The following GNG7 variants were observed in gnomAD, a reference collection of about 807,000 sequenced individuals.
GNG7 encodes guanine nucleotide-binding protein G(I)/G(S)/G(O) subunit gamma-7.
In GNG7, 1 loss-of-function variant was observed where a neutral mutation model predicts 4.0. The ratio of observed to expected loss-of-function variants is 0.25; its 90% CI spans 0.09 to 1.18. The LOEUF (loss-of-function observed/expected upper bound fraction) is 1.18, where lower values mean the gene tolerates loss of function less well. Among genes scored for constraint, GNG7 ranks in the 50% most tolerant of loss-of-function variants. The probability of loss-of-function intolerance (pLI) is 0.50; values close to 1 mark genes in which losing one functional copy is unlikely to be tolerated. For synonymous variants in GNG7, 34 were observed against 36.9 expected (o/e 0.92, Z 0.29); for missense variants, 86 against 91.9 (o/e 0.94, Z 0.26).
At chr19:2,659,659 G>A (rs1568277188) in intron 1 of GNG7, among the ~76,000 whole-genome samples, 1 of 145,422 alleles carries the variant, frequency 6.9e-6, no homozygotes, top group Admixed American at 7.0e-5. Flanking sequence ...GAAGGGAGAG[G>A]AAGAGGGAGA....
intron 1 of GNG7, chr19:2,701,100 T>C (rs1913390046): frequency 6.6e-6 from 1 of 152,162 alleles, no homozygotes; most frequent in Non-Finnish European, 1.5e-5. Flanking sequence ...TTCTCCTTCC[T>C]GAAGCGTTCT....
intron 2 of GNG7, among the ~76,000 whole-genome samples, chr19:2,612,283 C>T (rs1244677824): frequency 6.6e-6 from 1 of 152,170 alleles, no homozygotes; most frequent in Non-Finnish European, 1.5e-5. Flanking sequence ...TGCTCAGCAG[C>T]ATCTCTGACC....
At chr19:2,589,692 TGTACTAA>T (rs1185224610) in intron 2 of GNG7, among the ~76,000 whole-genome samples, 1 of 152,098 alleles carries the variant, frequency 6.6e-6, no homozygotes, top group East Asian at 1.9e-4. Context: ...CGTAGGGGGT[TGTACTAA>T]GTCCAGGAGC....
chr19:2,515,603 T>C (rs978324627), intron 4 of GNG7, among the ~76,000 whole-genome samples: 1 of 151,932 alleles, frequency 6.6e-6, no homozygotes, highest in African/African-American at 2.4e-5. Flanking sequence ...AATTTTTGTA[T>C]TTTTAGTAGA....
intron 2 of GNG7, among the ~76,000 whole-genome samples, chr19:2,570,075 T>G (rs2144779993): frequency 6.6e-6 from 1 of 152,038 alleles, no homozygotes; most frequent in Admixed American, 6.5e-5. Context: ...CATGGCTTGG[T>G]GCTCTCCCCT....
intron 2 of GNG7, among the ~76,000 whole-genome samples, chr19:2,606,024 T>C (rs1981374773): frequency 6.6e-6 from 1 of 152,144 alleles, no homozygotes; most frequent in Non-Finnish European, 1.5e-5. Flanking sequence ...CAAACATAGA[T>C]GCTCACAGGA....
At chr19:2,660,759 C>T (rs746085918) in intron 1 of GNG7, among the ~76,000 whole-genome samples, 7 of 152,214 alleles carry the variant, frequency 4.6e-5, no homozygotes, top group Non-Finnish European at 8.8e-5. Flanking sequence ...CCACTGCACT[C>T]CAGCCTGGGC....
At chr19:2,536,425 A>AAAAAAGAAAAGAAAAG (rs976708789) in intron 3 of GNG7, among the ~76,000 whole-genome samples, 1 of 152,036 alleles carries the variant, frequency 6.6e-6, no homozygotes, top group Admixed American at 6.6e-5. Context: ...TCTCAAAAAA[A>AAAAAAGAAAAGAAAAG]AAAAGAAAAG....
chr19:2,563,533 G>A (rs1979811165), intron 2 of GNG7, among the ~76,000 whole-genome samples: 1 of 152,110 alleles, frequency 6.6e-6, no homozygotes, highest in African/African-American at 2.4e-5. Context: ...AGGCTGGAGT[G>A]CAGTGGCACG....
intron 3 of GNG7, among the ~76,000 whole-genome samples, chr19:2,536,946 A>AT (rs930326594): frequency 1.5e-4 from 22 of 144,634 alleles, no homozygotes; most frequent in East Asian, 9.9e-4. Context: ...TTTTATTTTT[A>AT]TTTTTATTTT....
intron 2 of GNG7, among the ~76,000 whole-genome samples, chr19:2,582,382 C>G (rs1402086592): frequency 6.6e-6 from 1 of 152,092 alleles, no homozygotes; most frequent in Non-Finnish European, 1.5e-5. Flanking sequence ...TGAACATAAT[C>G]CACAAAAAGC....
chr19:2,646,189 C>G (rs1323683654), intron 2 of GNG7, 35 bp downstream of exon 2: 2 of 152,202 alleles, frequency 1.3e-5, no homozygotes, highest in African/African-American at 2.4e-5. Context: ...AACTGAACCT[C>G]AAATCATAAC....
intron 2 of GNG7, among the ~76,000 whole-genome samples, chr19:2,635,280 C>T (rs1447649624): frequency 6.6e-6 from 1 of 152,234 alleles, no homozygotes; most frequent in African/African-American, 2.4e-5. Context: ...TCTGCATCTC[C>T]AACCCCACCC....
chr19:2,581,031 T>C (rs918473141), intron 2 of GNG7, among the ~76,000 whole-genome samples: 3 of 152,132 alleles, frequency 2.0e-5, no homozygotes, highest in Admixed American at 6.5e-5. Flanking sequence ...TCCCAGAGTG[T>C]TGGGATTACA....
At chr19:2,637,791 C>A (rs1982355812) in intron 2 of GNG7, among the ~76,000 whole-genome samples, 1 of 151,552 alleles carries the variant, frequency 6.6e-6, no homozygotes, top group African/African-American at 2.4e-5. Context: ...AGGAGCATCC[C>A]TCCATCATGA....
At chr19:2,594,795 T>G (rs994496336) in intron 2 of GNG7, among the ~76,000 whole-genome samples, 5 of 152,078 alleles carry the variant, frequency 3.3e-5, no homozygotes, top group African/African-American at 9.7e-5. Flanking sequence ...ATAACCAGCC[T>G]GTGACCCATT....
intron 2 of GNG7, among the ~76,000 whole-genome samples, chr19:2,602,921 C>CTTTCTTTCT (rs1555697069): frequency 2.0e-5 from 3 of 147,162 alleles, no homozygotes; most frequent in South Asian, 4.2e-4. Context: ...TTCTTTCTTT[C>CTTTCTTTCT]TTTTTGTTTC....
chr19:2,518,788 GT>G (rs1978294150), intron 4 of GNG7, among the ~76,000 whole-genome samples: 1 of 151,986 alleles, frequency 6.6e-6, no homozygotes, highest in Non-Finnish European at 1.5e-5. Context: ...TTGGTTAAAT[GT>G]TTTTTTGTTT....
chr19:2,701,955 C>T (rs1487832690), intron 1 of GNG7, among the ~76,000 whole-genome samples: 2 of 147,310 alleles, frequency 1.4e-5, no homozygotes, highest in African/African-American at 5.0e-5. Flanking sequence ...CAAGCCCCCT[C>T]GGCAGCTAAC....
Sources: allele counts gnomAD v4.1 joint callset (sites outside exome capture counted in the v4.1 genomes callset), GRCh38; gene constraint gnomAD v4.1.1; transcripts MANE v1.5; gene names NCBI Gene and HGNC (gene_info 2026-07-23, HGNC 2026-07-21).